The following NBEA variants were observed in gnomAD, a reference collection of about 807,000 sequenced individuals.
NBEA encodes neurobeachin.
NBEA carries 44 observed loss-of-function variants against 343.4 expected under a neutral mutation model. The observed-to-expected ratio is 0.13, with a 90% confidence interval of 0.10 to 0.16. The LOEUF is 0.16. Among genes scored for constraint, NBEA ranks in the 10% least tolerant of loss-of-function variants. The pLI, the probability that NBEA is intolerant of heterozygous loss-of-function variation, is 1.00. For missense variants in NBEA, 2,555 were observed against 3,631.3 expected (o/e 0.70, Z 7.62); for synonymous variants, 1,175 against 1,238.7 (o/e 0.95, Z 1.08).
intron 38 of NBEA, among the ~76,000 whole-genome samples, chr13:35,391,560 G>A (rs1014441104): frequency 2.6e-4 from 39 of 152,200 alleles, no homozygotes; most frequent in African/African-American, 9.1e-4. Context: ...CTATTTAGTT[G>A]CATACTTAAG....
At chr13:35,114,254 G>T (rs1338800644) in intron 13 of NBEA, among the ~76,000 whole-genome samples, 1 of 152,134 alleles carries the variant, frequency 6.6e-6, no homozygotes, top group Non-Finnish European at 1.5e-5. Flanking sequence ...TGAGTTCACA[G>T]CAGTACCTTC....
chr13:35,120,222 A>G (rs1219280621), intron 16 of NBEA, among the ~76,000 whole-genome samples: 1 of 152,172 alleles, frequency 6.6e-6, no homozygotes, highest in Non-Finnish European at 1.5e-5. Context: ...TGAGAGTGCT[A>G]TTTGGTAAGA....
chr13:35,668,259 A>G (rs2085448788), intron 57 of NBEA, 109 bp from the exon 58 acceptor site: 2 of 1,032,860 alleles, frequency 1.9e-6, no homozygotes, highest in Non-Finnish European at 2.8e-6. Flanking sequence ...TGTACTGAGT[A>G]CTTTTCAGTA....
intron 40 of NBEA, among the ~76,000 whole-genome samples, chr13:35,467,403 G>A (rs563825280): frequency 3.3e-5 from 5 of 151,984 alleles, no homozygotes; most frequent in South Asian, 2.1e-4. Context: ...ACCGGGAGGC[G>A]GAGCTTGCAG....
intron 17 of NBEA, among the ~76,000 whole-genome samples, chr13:35,131,923 A>G (rs1224728829): frequency 1.3e-5 from 2 of 152,216 alleles, no homozygotes; most frequent in African/African-American, 4.8e-5. Flanking sequence ...CCCTGAGTCA[A>G]AAAAGAAATC....
At chr13:35,235,554 C>T (rs1331356676) in intron 34 of NBEA, among the ~76,000 whole-genome samples, 1 of 152,154 alleles carries the variant, frequency 6.6e-6, no homozygotes, top group Admixed American at 6.6e-5. Flanking sequence ...TGCAAGTTTT[C>T]TAGCCGCCAG....
intron 10 of NBEA, among the ~76,000 whole-genome samples, chr13:35,074,188 T>G (rs758037171): frequency 6.9e-4 from 105 of 152,154 alleles, no homozygotes; most frequent in Non-Finnish European, 1.9e-4. Flanking sequence ...TAATATAGCT[T>G]TCGTATTTTG....
At chr13:35,138,462 T>C (rs1170473369) in intron 17 of NBEA, among the ~76,000 whole-genome samples, 2 of 150,762 alleles carry the variant, frequency 1.3e-5, no homozygotes, top group Non-Finnish European at 3.0e-5. Flanking sequence ...TATGCTACTT[T>C]TTTTTTTTTT....
intron 49 of NBEA, among the ~76,000 whole-genome samples, chr13:35,636,144 C>T (rs1052222634): frequency 6.6e-6 from 1 of 152,192 alleles, no homozygotes; most frequent in African/African-American, 2.4e-5. Context: ...ACTTCTATAA[C>T]ACAGTTGTTA....
In NBEA at chr13:35,069,953, C is replaced by A; in HGVS notation, c.1285C>A (p.His429Asn). 6.3e-7 allele frequency: 1 copy of A among 1,595,718 alleles called. No homozygotes were observed. The highest frequency in any genetic ancestry group is 8.5e-7 in the Non-Finnish European group (1 of 1,170,760). ...TGAGAGTGATATTCATTTGGCAGAACATCATAAACAGGTGTTATATGATGG... is the reference window on the plus strand; with the variant it reads ...TGAGAGTGATATTCATTTGGCAGAAAATCATAAACAGGTGTTATATGATGG... ...KSESDIHLAE[H>N]HKQVLYDGKL... Residue 429 changes from histidine to asparagine, a missense_variant, in exon 9 of 59, where the codon CAT becomes AAT. By Grantham distance (68) the His-to-Asn change is moderately conservative. This residue lies in a region of NBEA where 75 missense variants were observed against 237.4 expected (regional missense o/e 0.32). Transcript: ENST00000379939.
At chr13:35,000,636 C>T (rs2061100057) in intron 1 of NBEA, among the ~76,000 whole-genome samples, 1 of 150,710 alleles carries the variant, frequency 6.6e-6, no homozygotes, top group Non-Finnish European at 1.5e-5. Flanking sequence ...TACACAAATG[C>T]AGGGATACTG....
intron 36 of NBEA, among the ~76,000 whole-genome samples, chr13:35,320,547 C>A (rs551004034): frequency 2.0e-5 from 3 of 152,228 alleles, no homozygotes; most frequent in African/African-American, 7.2e-5. Context: ...TCATTTCAAC[C>A]TTGGTGAATC....
intron 30 of NBEA, among the ~76,000 whole-genome samples, chr13:35,191,786 A>G (rs1312210072): frequency 6.6e-6 from 1 of 152,032 alleles, no homozygotes; most frequent in Non-Finnish European, 1.5e-5. Flanking sequence ...TTCTTTCATG[A>G]TATTCCTTAT....
Position 34,942,754 on chromosome 13 carries a change from A to G in NBEA, c.-67A>G. The G allele has an allele frequency of 4.1e-6, 5 of 1,204,972 alleles. No individual in the cohort carries two copies. Among genetic ancestry groups the G allele is most frequent in the Non-Finnish European group, 5.2e-6 (5 of 959,060 alleles). The allele number at this position is 1,204,972 out of a possible 1,614,324, so 74.6% of individuals were successfully genotyped here. A position where few individuals can be genotyped will look rare whatever the true frequency, so the allele number is the denominator to read the frequency against. ...GGCGACGGCCGGGGGGCGGGGGCCG[A>G]GGCAGGTATAACGGTACCGGCGGCG... On this transcript the variant is annotated 5_prime_UTR_variant, in exon 1 of 59. Transcript: ENST00000379939.
At chr13:35,332,844 G>A (rs2039007704) in intron 36 of NBEA, among the ~76,000 whole-genome samples, 1 of 152,102 alleles carries the variant, frequency 6.6e-6, no homozygotes, top group Non-Finnish European at 1.5e-5. Flanking sequence ...ATTCTACATA[G>A]AGTACACTCA....
chr13:35,014,148 T>C (rs1311787422), intron 1 of NBEA, among the ~76,000 whole-genome samples: 2 of 152,150 alleles, frequency 1.3e-5, no homozygotes, highest in East Asian at 3.9e-4. Context: ...AAAAAAACTT[T>C]TTTTTTATCT....
At chr13:35,290,501 A>G (rs2152818044) in intron 35 of NBEA, 51 bp downstream of exon 35, 1 of 1,299,534 alleles carries the variant, frequency 7.7e-7, no homozygotes. Flanking sequence ...GTTTTTTGTG[A>G]CTAATAATAA....
chr13:35,037,741 T>C (rs1369507844), intron 1 of NBEA, among the ~76,000 whole-genome samples: 1 of 152,194 alleles, frequency 6.6e-6, no homozygotes, highest in Non-Finnish European at 1.5e-5. Context: ...GTATGACGTA[T>C]GGCACAAGCA....
chr13:34,964,994 GTTAT>G (rs1282261567), intron 1 of NBEA, among the ~76,000 whole-genome samples: 1 of 152,068 alleles, frequency 6.6e-6, no homozygotes, highest in Non-Finnish European at 1.5e-5. Flanking sequence ...TGTAAACTTG[GTTAT>G]TTGTTTATTT....
Sources: gnomAD v4.1 joint callset for allele counts (sites outside exome capture counted in the v4.1 genomes callset) on GRCh38, gnomAD v4.1.1 for gene constraint, gnomAD v4.1.1 regional missense constraint, MANE v1.5 for transcripts, NCBI Gene and HGNC (gene_info 2026-07-23, HGNC 2026-07-21) for gene names.